The following PLCD3 variants were observed in gnomAD, a reference collection of about 807,000 sequenced individuals.
The protein encoded by PLCD3 is 1-phosphatidylinositol 4,5-bisphosphate phosphodiesterase delta-3.
In PLCD3, 62 loss-of-function variants were observed where a neutral mutation model predicts 82.8. The observed-to-expected ratio is 0.75, with a 90% confidence interval of 0.61 to 0.93. The LOEUF (loss-of-function observed/expected upper bound fraction) is 0.93, where lower values mean the gene tolerates loss of function less well. Ranked by LOEUF, PLCD3 falls within the 40% of genes least tolerant of loss-of-function variation. The pLI is 0.00. For missense variants in PLCD3, 1,023 were observed against 1,103.4 expected (o/e 0.93, Z 1.03); for synonymous variants, 478 against 471.8 (o/e 1.01, Z -0.17).
intron 1 of PLCD3, among the ~76,000 whole-genome samples, chr17:45,131,807 G>A (rs1423638288): frequency 6.6e-6 from 1 of 152,206 alleles, no homozygotes; most frequent in East Asian, 1.9e-4. Flanking sequence ...GCGGCTTGGA[G>A]GGCTGCTGTG....
intron 1 of PLCD3, among the ~76,000 whole-genome samples, chr17:45,129,610 A>G (rs768322242): frequency 2.0e-5 from 3 of 152,262 alleles, no homozygotes; most frequent in Non-Finnish European, 4.4e-5. Context: ...GTAATGTGAC[A>G]TGAGGACAGC....
At position 45,118,203 on chromosome 17, in the gene PLCD3, G is replaced by T; in HGVS notation, c.1116-65C>A. On this transcript the variant is annotated intron_variant, in intron 6 of 14. Coordinates refer to ENST00000619929, the MANE Select transcript of PLCD3 (RefSeq NM_133373.5). The surrounding 1 kb of genome is among the most constrained non-coding windows in gnomAD (Gnocchi z 4.1). ...AGAGTGCCACAGAGCAGGGCAGCAG[G>T]CAGGCTGGGCCAGGAAGGCCCCAGG... The T allele has an allele frequency of 6.2e-7, 1 of 1,611,620 alleles. No homozygotes were observed. The highest frequency in any genetic ancestry group is 8.5e-7 in the Non-Finnish European group (1 of 1,178,298).
chr17:45,121,164 G>A (rs1598032903), intron 2 of PLCD3, 34 bp from the exon 3 acceptor site: 3 of 1,530,980 alleles, frequency 2.0e-6, no homozygotes, highest in South Asian at 1.2e-5. Flanking sequence ...CGGAGGACCG[G>A]GCCTGTCCCC....
At chr17:45,113,049 C>T (rs1213193765) in intron 13 of PLCD3, 37 bp from the exon 14 acceptor site, 2 of 1,603,002 alleles carry the variant, frequency 1.2e-6, no homozygotes, top group Non-Finnish European at 1.7e-6. Flanking sequence ...CCCAGGGGCC[C>T]CAGGACCCAC....
chr17:45,118,527 T>G lies in PLCD3; in HGVS notation c.914-35A>C. On this transcript the variant is annotated intron_variant, in intron 5 of 14. Transcript: ENST00000619929. This position sits in a 1 kb window ranked among gnomAD's most constrained non-coding sequence, Gnocchi z 4.1. ...TGGCAGGAGAGGGCATCAGGCCACA[T>G]AGGGATCCCCCATGTCCAGCTTCCA... 1 of 1,610,058 alleles carries G rather than the reference T, an allele frequency of 6.2e-7. No individual in the cohort carries two copies.
At position 45,121,358 on chromosome 17, in the gene PLCD3, C is replaced by A; in HGVS notation, c.178G>T (p.Glu60Ter). ...CCCCGCAGCATGGCGCGCACGTCCT[C>A]GTCCTCCGTCAGGCCTGGCGGGGCG... is the stretch of plus-strand genomic sequence containing the variant. ...ALKKMGLTED[E>*]DVRAMLRGSR... The change falls in exon 2 of 15, where the codon GAG becomes TAG. Residue 60 changes from glutamate (E) to a stop codon, truncating the protein, a stop_gained. Coordinates refer to ENST00000619929, the MANE Select transcript of PLCD3 (RefSeq NM_133373.5). LOFTEE classifies it high-confidence loss of function. 1.3e-6 allele frequency: 2 copies of A among 1,529,392 alleles called. No homozygotes were observed. Among genetic ancestry groups the A allele is most frequent in the South Asian group, 1.2e-5 (1 of 82,636 alleles). The allele number at this position is 1,529,392 out of a possible 1,614,324, so 94.7% of individuals were successfully genotyped here. A position where few individuals can be genotyped will look rare whatever the true frequency, so the allele number is the denominator to read the frequency against.
intron 1 of PLCD3, among the ~76,000 whole-genome samples, chr17:45,125,901 G>C (rs2054377807): frequency 6.6e-6 from 1 of 152,196 alleles, no homozygotes; most frequent in African/African-American, 2.4e-5. Flanking sequence ...ATTGCTTGAT[G>C]GTTAGTTTCT....
intron 9 of PLCD3, 50 bp from the exon 10 acceptor site, chr17:45,115,294 C>T (rs369659317): frequency 1.3e-5 from 20 of 1,528,414 alleles, no homozygotes; most frequent in East Asian, 4.9e-5. Context: ...TTCCCACATC[C>T]GTCCTCCCAC....
Position 45,131,099 on chromosome 17 carries a change from T to G in PLCD3, c.163+1149A>C, listed in dbSNP as rs374360293. Reference sequence around the variant, plus strand: ...AGTGCTTGTCCAATGCATGCACAGTTGAATGGATGGCAGGGTAGAGATGGT... The same window carrying G: ...AGTGCTTGTCCAATGCATGCACAGTGGAATGGATGGCAGGGTAGAGATGGT... On this transcript the variant is annotated intron_variant, in intron 1 of 14. Transcript: ENST00000619929. Among the ~76,000 whole-genome samples the G allele has an allele frequency of 2.4e-4, 37 of 152,342 alleles. 2 individuals carry two copies. In the Middle Eastern group the frequency reaches 0.01, roughly 42 times the overall value.
chr17:45,120,531 C>T (rs1285054772), intron 3 of PLCD3, 77 bp from the exon 4 acceptor site: 4 of 1,594,248 alleles, frequency 2.5e-6, no homozygotes, highest in Admixed American at 1.7e-5. Context: ...AAGTCACCCC[C>T]ACCTGGGTCT....
At chr17:45,123,956 A>ACCCCCCCCCCCCC (rs33990992) in intron 1 of PLCD3, among the ~76,000 whole-genome samples, 1 of 129,312 alleles carries the variant, frequency 7.7e-6, no homozygotes, top group Non-Finnish European at 1.7e-5. Context: ...GGCTCACCAG[A>ACCCCCCCCCCCCC]CCCCCCCCCC....
chr17:45,116,491 C>G, intron 8 of PLCD3, 141 bp downstream of exon 8: 1 of 925,006 alleles, frequency 1.1e-6, no homozygotes, highest in Non-Finnish European at 1.5e-6. Flanking sequence ...GATGGCAGAC[C>G]TCAGATGAAC....
At chr17:45,123,074 T>C (rs1211423911) in intron 1 of PLCD3, among the ~76,000 whole-genome samples, 1 of 152,226 alleles carries the variant, frequency 6.6e-6, no homozygotes, top group African/African-American at 2.4e-5. Context: ...CTTCCTCCCT[T>C]TATTTCGACA....
intron 1 of PLCD3, among the ~76,000 whole-genome samples, chr17:45,121,985 T>G (rs908006602): frequency 1.3e-5 from 2 of 151,908 alleles, no homozygotes; most frequent in Non-Finnish European, 2.9e-5. Context: ...TTGCCTTTTC[T>G]GCCACTATCC....
rs752414873 is a variant in PLCD3 at position 45,113,516 on chromosome 17, G to A, written c.1918C>T (p.Pro640Ser). 2 of 1,579,776 alleles carry A rather than the reference G, an allele frequency of 1.3e-6. No homozygotes were observed. Among genetic ancestry groups the A allele is most frequent in the Non-Finnish European group, 1.7e-6 (2 of 1,163,212 alleles). ...VNGQCGYVLK[P>S]ACLRQPDSTF... is the part of the protein sequence containing the mutation. Reference sequence around the variant, plus strand: ...GAGTCAGGTTGCCGCAGGCAGGCAGGTTTTAGGACGTAGCCACACTGCCCA... The same window carrying A: ...GAGTCAGGTTGCCGCAGGCAGGCAGATTTTAGGACGTAGCCACACTGCCCA... The change falls in exon 12 of 15, where the codon CCT (proline) becomes TCT (serine). Residue 640 changes from proline to serine, a missense_variant. By Grantham distance (74) the Pro-to-Ser change is moderately conservative. Coordinates refer to ENST00000619929, the MANE Select transcript of PLCD3 (RefSeq NM_133373.5).
At chr17:45,126,417 G>A (rs1211561947) in intron 1 of PLCD3, among the ~76,000 whole-genome samples, 7 of 129,932 alleles carry the variant, frequency 5.4e-5, no homozygotes, top group East Asian at 2.3e-4. Flanking sequence ...GCAGTGGCAC[G>A]ATCTCAGCTC....
At chr17:45,120,875 C>T in intron 3 of PLCD3, 27 bp downstream of exon 3, 1 of 1,412,452 alleles carries the variant, frequency 7.1e-7, no homozygotes, top group Middle Eastern at 1.8e-4. Flanking sequence ...AAGGATGGGG[C>T]CCTCCCTCCC....
intron 1 of PLCD3, among the ~76,000 whole-genome samples, chr17:45,127,074 T>C (rs756794224): frequency 5.3e-5 from 8 of 152,256 alleles, no homozygotes; most frequent in Non-Finnish European, 8.8e-5. Flanking sequence ...AAGGGCTGTG[T>C]GTGGCCACAA....
intron 1 of PLCD3, among the ~76,000 whole-genome samples, chr17:45,125,539 C>T (rs1469774080): frequency 2.0e-5 from 3 of 152,210 alleles, no homozygotes; most frequent in African/African-American, 4.8e-5. Context: ...GAGGTTGCAG[C>T]GAGCTGAGAT....
Sources: gnomAD v4.1 joint callset for allele counts (sites outside exome capture counted in the v4.1 genomes callset) on GRCh38, gnomAD v4.1.1 for gene constraint, Gnocchi (gnomAD v3.1) non-coding constraint, MANE v1.5 for transcripts, NCBI Gene and HGNC (gene_info 2026-07-23, HGNC 2026-07-21) for gene names.